TBC1D32: variants seen among roughly 807,000 people sequenced by gnomAD.
The protein encoded by TBC1D32 is TBC1 domain family member 32, also known as protein broad-minded.
Under a neutral mutation model 170.3 loss-of-function variants are expected in TBC1D32, and 151 were observed. The ratio of observed to expected loss-of-function variants is 0.89; its 90% CI spans 0.78 to 1.01. TBC1D32 has a LOEUF of 1.01. TBC1D32 is among the 50% of genes least tolerant of loss of function. TBC1D32 has a pLI of 0.00. For synonymous variants in TBC1D32, 498 were observed against 488.0 expected (o/e 1.02, Z -0.27); for missense variants, 1,464 against 1,457.1 (o/e 1.00, Z -0.08).
intron 15 of TBC1D32, among the ~76,000 whole-genome samples, chr6:121,278,252 T>C (rs1384196984): frequency 6.6e-6 from 1 of 152,132 alleles, no homozygotes; most frequent in Non-Finnish European, 1.5e-5. Flanking sequence ...TCATTTATTA[T>C]AAGGTCACCA....
chr6:121,290,158 T>C (rs1210318767), intron 12 of TBC1D32, among the ~76,000 whole-genome samples: 2 of 152,176 alleles, frequency 1.3e-5, no homozygotes, highest in Non-Finnish European at 2.9e-5. Flanking sequence ...TGGGATCTAA[T>C]TAAGCTAAAG....
intron 15 of TBC1D32, among the ~76,000 whole-genome samples, chr6:121,270,158 C>G (rs9385193): frequency 0.66 from 99,868 of 151,838 alleles, 37,570 homozygotes; most frequent in Non-Finnish European, 0.84. Context: ...CAAGAGAAAG[C>G]AGGAAAGATT....
At chr6:121,223,402 A>G in intron 20 of TBC1D32, 50 bp from the exon 21 acceptor site, 1 of 1,213,228 alleles carries the variant, frequency 8.2e-7, no homozygotes, top group South Asian at 1.3e-5. Flanking sequence ...TGTCAACCAC[A>G]TCCATGGAGA....
chr6:121,176,072 T>A (rs1397219008), intron 22 of TBC1D32, among the ~76,000 whole-genome samples: 1 of 152,034 alleles, frequency 6.6e-6, no homozygotes, highest in Non-Finnish European at 1.5e-5. Context: ...GAACCCTAAA[T>A]AGTAGGGGAA....
At chr6:121,241,363 G>T in intron 19 of TBC1D32, 102 bp downstream of exon 19, 1 of 953,678 alleles carries the variant, frequency 1.0e-6, no homozygotes, top group South Asian at 1.6e-5. Context: ...AAGAATTTTA[G>T]AGTAAATATC....
In TBC1D32 at chr6:121,270,530, G is replaced by C. The variant is rs1467261756; in HGVS notation, c.1733+8591C>G. Among the ~76,000 whole-genome samples, 5 of 152,104 alleles carry C rather than the reference G, an allele frequency of 3.3e-5. No homozygotes were observed. The South Asian group carries it at 1.0e-3, about 32-fold the overall frequency. Reference sequence around the variant, plus strand: ...ATCTAGAAGAAATGGATAAATTCATGGACACATACACCCTCCCAAGACTAA... The same window carrying C: ...ATCTAGAAGAAATGGATAAATTCATCGACACATACACCCTCCCAAGACTAA... On this transcript the variant is annotated intron_variant, in intron 15 of 31. Transcript: ENST00000398212.
intron 1 of TBC1D32, among the ~76,000 whole-genome samples, chr6:121,322,075 A>G (rs1809816033): frequency 6.6e-6 from 1 of 152,090 alleles, no homozygotes; most frequent in South Asian, 2.1e-4. Flanking sequence ...TTTCTTTTTT[A>G]TGCTCCTATC....
In TBC1D32 at chr6:121,288,988, T is replaced by C. The variant is rs534849162; in HGVS notation, c.1372+3065A>G. 3.9e-5 allele frequency among the ~76,000 whole-genome samples: 6 copies of C among 152,324 alleles called. 1 individual carries two copies. The South Asian group carries it at 1.2e-3, about 32-fold the overall frequency. On this transcript the variant is annotated intron_variant, in intron 12 of 31. Coordinates refer to ENST00000398212, the MANE Select transcript of TBC1D32 (RefSeq NM_152730.6). Reference sequence around the variant, plus strand: ...CTAAAAACTCTCAATAAATTAGGTATTGATGGGACGTATCTCAAAATAATA... The same window carrying C: ...CTAAAAACTCTCAATAAATTAGGTACTGATGGGACGTATCTCAAAATAATA...
intron 30 of TBC1D32, among the ~76,000 whole-genome samples, chr6:121,099,475 T>G (rs1777770815): frequency 6.6e-6 from 1 of 151,934 alleles, no homozygotes; most frequent in South Asian, 2.1e-4. Flanking sequence ...AGCTTATTTT[T>G]ACTTTAGAGA....
chr6:121,313,773 T>A (rs1473010813), intron 3 of TBC1D32, among the ~76,000 whole-genome samples: 1 of 152,174 alleles, frequency 6.6e-6, no homozygotes, highest in Non-Finnish European at 1.5e-5. Context: ...TAGCTAATCC[T>A]ACTGCTCTGA....
At chr6:121,240,126 G>A (rs572888911) in intron 19 of TBC1D32, among the ~76,000 whole-genome samples, 5 of 152,100 alleles carry the variant, frequency 3.3e-5, no homozygotes, top group Middle Eastern at 3.4e-3. Flanking sequence ...CTACGACATC[G>A]GAGAAGCTCA....
chr6:121,325,816 C>T (rs937353971), intron 1 of TBC1D32, among the ~76,000 whole-genome samples: 3 of 152,246 alleles, frequency 2.0e-5, no homozygotes, highest in Middle Eastern at 3.4e-3. Context: ...GCAAAAGAAA[C>T]TATCACCAGA....
At chr6:121,244,646 T>C (rs1797385966) in intron 17 of TBC1D32, among the ~76,000 whole-genome samples, 1 of 152,200 alleles carries the variant, frequency 6.6e-6, no homozygotes. Flanking sequence ...AAATTACTTA[T>C]TGGGCCAAGT....
chr6:121,260,181 T>C (rs971753992), intron 15 of TBC1D32, among the ~76,000 whole-genome samples: 21 of 152,186 alleles, frequency 1.4e-4, no homozygotes, highest in Admixed American at 8.5e-4. Flanking sequence ...CACTTTCTTG[T>C]ATCGTTTCCA....
chr6:121,313,734 G>A (rs1808564401), intron 3 of TBC1D32, among the ~76,000 whole-genome samples: 2 of 152,212 alleles, frequency 1.3e-5, no homozygotes, highest in Middle Eastern at 3.4e-3. Flanking sequence ...GCCAGACATG[G>A]AGGAACTTCT....
chr6:121,080,310 C>T lies in TBC1D32; in HGVS notation c.*461G>A, dbSNP rs1024241713. 3.5e-6 allele frequency: 1 copy of T among 281,974 alleles called. No homozygotes were observed. Among genetic ancestry groups the T allele is most frequent in the Non-Finnish European group, 7.5e-6 (1 of 132,874 alleles). 17.5% of individuals were successfully genotyped at this position (281,974 alleles called of 1,614,324 possible). ...TTGGCTCACTGCAACCTCCGCCTCC[C>T]GGGTTCAAGCGATTCTCCTGCCTCA... On this transcript the variant is annotated 3_prime_UTR_variant, in exon 32 of 32. Coordinates refer to ENST00000398212, the MANE Select transcript of TBC1D32 (RefSeq NM_152730.6).
At chr6:121,190,346 C>A (rs556721010) in intron 22 of TBC1D32, among the ~76,000 whole-genome samples, 1 of 148,150 alleles carries the variant, frequency 6.7e-6, no homozygotes, top group South Asian at 2.2e-4. Context: ...CTGCCCCCCA[C>A]CGTTCTTCCC....
chr6:121,095,477 G>C (rs1259955022), intron 30 of TBC1D32, among the ~76,000 whole-genome samples: 1 of 152,140 alleles, frequency 6.6e-6, no homozygotes, highest in Non-Finnish European at 1.5e-5. Flanking sequence ...ATGTTGAATA[G>C]GAGTGGTGAG....
At chr6:121,137,494 AC>A (rs1241130043) in intron 24 of TBC1D32, among the ~76,000 whole-genome samples, 6 of 151,130 alleles carry the variant, frequency 4.0e-5, no homozygotes, top group Middle Eastern at 3.4e-3. Flanking sequence ...AAAAAAAAAA[AC>A]AACTACTTTA....
Sources: allele counts gnomAD v4.1 joint callset (sites outside exome capture counted in the v4.1 genomes callset), GRCh38; gene constraint gnomAD v4.1.1; transcripts MANE v1.5; gene names NCBI Gene and HGNC (gene_info 2026-07-23, HGNC 2026-07-21).